Variants in CCDC148 observed in about 807,000 individuals in gnomAD.
CCDC148 encodes coiled-coil domain containing 148, also known as coiled-coil domain-containing protein 148.
Under a neutral mutation model 85.7 loss-of-function variants are expected in CCDC148, and 89 were observed. The observed-to-expected ratio is 1.04, with a 90% CI of 0.87 to 1.24. CCDC148 has a LOEUF of 1.24. Ranked by LOEUF, CCDC148 falls within the 50% of genes most tolerant of loss-of-function variation. The pLI, the probability that CCDC148 is intolerant of heterozygous loss-of-function variation, is 0.00. For missense variants in CCDC148, 692 were observed against 671.7 expected, an observed-to-expected ratio of 1.03 and a Z score of -0.33; for synonymous variants, 230 against 213.9, an observed-to-expected ratio of 1.08 and a Z score of -0.66.
At chr2:158,187,299 GTCTC>G (rs142519777) in intron 11 of CCDC148, among the ~76,000 whole-genome samples, 1 of 150,716 alleles carries the variant, frequency 6.6e-6, no homozygotes, top group Admixed American at 6.6e-5. Context: ...TAATTCTTCA[GTCTC>G]TCTCTCTCTC....
At chr2:158,414,676 T>C (rs561078062) in intron 1 of CCDC148, among the ~76,000 whole-genome samples, 1 of 152,266 alleles carries the variant, frequency 6.6e-6, no homozygotes, top group East Asian at 1.9e-4. Context: ...GCAGACACTA[T>C]TATGATTATG....
intron 11 of CCDC148, among the ~76,000 whole-genome samples, chr2:158,190,668 A>G (rs565552570): frequency 1.2e-4 from 18 of 152,152 alleles, no homozygotes; most frequent in South Asian, 8.3e-4. Context: ...AAAAATCTTC[A>G]TGAGGCCATA....
At chr2:158,271,196 C>T (rs1214950076) in intron 9 of CCDC148, among the ~76,000 whole-genome samples, 1 of 151,974 alleles carries the variant, frequency 6.6e-6, no homozygotes, top group South Asian at 2.1e-4. Context: ...TACTTTGAGG[C>T]TTTTATATAT....
chr2:158,257,293 G>T (rs766751683), intron 9 of CCDC148, among the ~76,000 whole-genome samples: 5 of 151,726 alleles, frequency 3.3e-5, no homozygotes, highest in Non-Finnish European at 7.4e-5. Flanking sequence ...GTAAAAACTA[G>T]CAATCAAATC....
intron 1 of CCDC148, among the ~76,000 whole-genome samples, chr2:158,405,875 T>C (rs943032708): frequency 2.0e-5 from 3 of 150,584 alleles, no homozygotes; most frequent in Admixed American, 6.7e-5. Flanking sequence ...TTCATGAATA[T>C]AGGAAAAATG....
At chr2:158,277,881 T>C (rs897757232) in intron 9 of CCDC148, among the ~76,000 whole-genome samples, 2 of 152,152 alleles carry the variant, frequency 1.3e-5, no homozygotes, top group Non-Finnish European at 2.9e-5. Flanking sequence ...TTTATTTTCA[T>C]TATTTTATAT....
chr2:158,226,275 G>T (rs9711773), intron 10 of CCDC148, among the ~76,000 whole-genome samples: 53,058 of 151,836 alleles, frequency 0.35, 11,376 homozygotes, highest in South Asian at 0.6. Flanking sequence ...AATCTCTGAA[G>T]AGACCAATAA....
rs866868051 is a variant in CCDC148 at position 158,456,710 on chromosome 2, C to A, written c.-271G>T. On this transcript the variant is annotated 5_prime_UTR_variant, in exon 1 of 14. Transcript: ENST00000283233. Reference sequence around the variant, plus strand: ...CCTGAGACACCTTCTCTCTCACACCCACCCTCTCCAGGCCCTCTCGCGCTG... The same window carrying A: ...CCTGAGACACCTTCTCTCTCACACCAACCCTCTCCAGGCCCTCTCGCGCTG... 3.8e-6 allele frequency: 2 copies of A among 527,704 alleles called. No individual in the cohort carries two copies. Among genetic ancestry groups the A allele is most frequent in the Non-Finnish European group, 6.8e-6 (2 of 295,188 alleles). 32.7% of individuals were successfully genotyped at this position (527,704 alleles called of 1,614,324 possible).
In CCDC148 at chr2:158,382,155, C is replaced by T. The variant is rs191758182; in HGVS notation, c.26-23585G>A. Reference sequence around the variant, plus strand: ...TCATCTTGCCTCATCAAGCTCTCATCGCCAAATGCTGCTGGCACCTCAGGC... The same window carrying T: ...TCATCTTGCCTCATCAAGCTCTCATTGCCAAATGCTGCTGGCACCTCAGGC... On this transcript the variant is annotated intron_variant, in intron 1 of 13. Transcript: ENST00000283233. Among the ~76,000 whole-genome samples, 48 of 152,248 alleles carry T rather than the reference C, an allele frequency of 3.2e-4. 1 individual carries two copies. The highest frequency in any genetic ancestry group is 1.3e-4 in the Non-Finnish European group (9 of 68,008).
intron 1 of CCDC148, among the ~76,000 whole-genome samples, chr2:158,430,674 C>T (rs1574808218): frequency 6.6e-6 from 1 of 151,806 alleles, no homozygotes; most frequent in African/African-American, 2.4e-5. Context: ...TTCCAGTTAC[C>T]CTGATTTGAT....
intron 3 of CCDC148, among the ~76,000 whole-genome samples, chr2:158,341,000 A>C (rs966660824): frequency 1.3e-5 from 2 of 152,168 alleles, no homozygotes; most frequent in Non-Finnish European, 2.9e-5. Flanking sequence ...AAAGATTCCC[A>C]AGACAACAAG....
At chr2:158,259,357 G>C (rs879320857) in intron 9 of CCDC148, among the ~76,000 whole-genome samples, 11 of 151,840 alleles carry the variant, frequency 7.2e-5, no homozygotes, top group Non-Finnish European at 1.3e-4. Flanking sequence ...TGAGAACAGG[G>C]ACCATAACTG....
chr2:158,305,779 AG>A (rs1419160503), intron 9 of CCDC148, among the ~76,000 whole-genome samples: 24 of 123,046 alleles, frequency 2.0e-4, no homozygotes, highest in African/African-American at 6.6e-4. Context: ...AAAAAAAAAA[AG>A]GAGGGACACC....
chr2:158,353,868 A>T (rs1683469174), intron 2 of CCDC148, among the ~76,000 whole-genome samples: 1 of 152,212 alleles, frequency 6.6e-6, no homozygotes, highest in Non-Finnish European at 1.5e-5. Flanking sequence ...AGAAATTATA[A>T]CAAACTATCT....
chr2:158,438,249 A>C (rs1687759532), intron 1 of CCDC148, among the ~76,000 whole-genome samples: 1 of 152,212 alleles, frequency 6.6e-6, no homozygotes, highest in African/African-American at 2.4e-5. Flanking sequence ...AGTAACCAAA[A>C]TAGCATGGTA....
intron 7 of CCDC148, among the ~76,000 whole-genome samples, chr2:158,326,682 C>G (rs1692793266): frequency 6.6e-6 from 1 of 152,004 alleles, no homozygotes; most frequent in Non-Finnish European, 1.5e-5. Context: ...TTACCCTTGT[C>G]AATTTTTTTC....
chr2:158,418,559 A>T (rs564343861), intron 1 of CCDC148, among the ~76,000 whole-genome samples: 1 of 152,234 alleles, frequency 6.6e-6, no homozygotes, highest in South Asian at 2.1e-4. Flanking sequence ...GTAGTTCCCA[A>T]ATGGCTAGTT....
chr2:158,383,493 AATC>A (rs1239234008), intron 1 of CCDC148, among the ~76,000 whole-genome samples: 2 of 152,160 alleles, frequency 1.3e-5, no homozygotes, highest in East Asian at 3.9e-4. Flanking sequence ...TAGTAGTAGT[AATC>A]AATGTGAATA....
intron 11 of CCDC148, among the ~76,000 whole-genome samples, chr2:158,192,917 A>G (rs1461760893): frequency 6.6e-6 from 1 of 152,062 alleles, no homozygotes; most frequent in African/African-American, 2.4e-5. Flanking sequence ...TATGTCCAAA[A>G]GATTATAATT....
Sources: gnomAD v4.1 joint callset for allele counts (sites outside exome capture counted in the v4.1 genomes callset) on GRCh38, gnomAD v4.1.1 for gene constraint, MANE v1.5 for transcripts, NCBI Gene and HGNC (gene_info 2026-07-23, HGNC 2026-07-21) for gene names.